Variants in POLR2B observed in about 807,000 individuals in gnomAD.
POLR2B encodes RNA polymerase II subunit B, also known as DNA-directed RNA polymerase II subunit RPB2.
A neutral mutation model predicts 144.6 loss-of-function variants in POLR2B; 57 were observed. That is an observed-to-expected ratio of 0.39 (90% CI 0.32 to 0.49). The LOEUF is 0.49. POLR2B is among the 20% of genes least tolerant of loss of function. The pLI, the probability that POLR2B is intolerant of heterozygous loss-of-function variation, is 0.83. For missense variants in POLR2B, 595 were observed against 1,467.4 expected, an observed-to-expected ratio of 0.41 and a Z score of 9.71; for synonymous variants, 442 against 469.8, an observed-to-expected ratio of 0.94 and a Z score of 0.77.
intron 1 of POLR2B, among the ~76,000 whole-genome samples, 166 bp downstream of exon 1, chr4:56,979,170 G>A (rs1395007914): frequency 1.3e-5 from 2 of 152,142 alleles, no homozygotes; most frequent in African/African-American, 4.8e-5. Flanking sequence ...AGGGAGAGGC[G>A]GAGGGTGCAG....
chr4:57,022,345 G>A lies in POLR2B; in HGVS notation c.2515+99G>A, dbSNP rs139710838. On this transcript the variant is annotated intron_variant, in intron 18 of 24. Transcript: ENST00000314595. ...GTTGTGTCACCCTGTGCCTGCCCCT[G>A]TCCTCCTCTCCCTTTTTTTGTGCAA... 3.2e-4 allele frequency: 213 copies of A among 672,988 alleles called. No individual in the cohort carries two copies. The African/African-American group carries it at 3.2e-3, about 10-fold the overall frequency. 41.7% of individuals were successfully genotyped at this position (672,988 alleles called of 1,614,324 possible).
intron 13 of POLR2B, among the ~76,000 whole-genome samples, chr4:57,014,394 A>G (rs1406425802): frequency 6.6e-6 from 1 of 151,630 alleles, no homozygotes; most frequent in African/African-American, 2.4e-5. Flanking sequence ...GGGTTTCACC[A>G]TGTTTGCCAG....
chr4:57,001,718 C>CAGACTGTAGATAATAGTA (rs1722860348), intron 7 of POLR2B, among the ~76,000 whole-genome samples: 1 of 152,106 alleles, frequency 6.6e-6, no homozygotes, highest in South Asian at 2.1e-4. Flanking sequence ...TAGGTACCTC[C>CAGACTGTAGATAATAGTA]ACTGTAAGGT....
chr4:57,006,797 A>C lies in POLR2B; in HGVS notation c.1218-19A>C. 6.3e-7 allele frequency: 1 copy of C among 1,576,600 alleles called. No individual in the cohort carries two copies. The highest frequency in any genetic ancestry group is 8.7e-7 in the Non-Finnish European group (1 of 1,148,516). ...TGTAGACCTCTACATGTTTAAAATA[A>C]TACCATTTTATTCGGCAGTATGTTT... On this transcript the variant is annotated intron_variant, in intron 9 of 24. Transcript: ENST00000314595.
intron 3 of POLR2B, among the ~76,000 whole-genome samples, chr4:56,992,349 C>A (rs1026313502): frequency 2.0e-5 from 3 of 149,464 alleles, no homozygotes; most frequent in Non-Finnish European, 4.4e-5. Flanking sequence ...CCTGTAGTCC[C>A]AGCTACTAGG....
At chr4:57,022,124 CTT>C in intron 17 of POLR2B, 26 bp from the exon 18 acceptor site, 1 of 1,349,598 alleles carries the variant, frequency 7.4e-7, no homozygotes, top group Admixed American at 1.9e-5. Flanking sequence ...AGAAAATAGA[CTT>C]TACCTTTAGA....
At chr4:57,003,860 GAAAA>G (rs1304544508) in intron 7 of POLR2B, among the ~76,000 whole-genome samples, 1 of 150,724 alleles carries the variant, frequency 6.6e-6, no homozygotes, top group Non-Finnish European at 1.5e-5. Flanking sequence ...AAAAAAAAAA[GAAAA>G]AGAAGAAGAA....
rs559896586 is a variant in POLR2B at position 56,979,044 on chromosome 4, T to C, written c.19+40T>C. Reference sequence around the variant, plus strand: ...AAAACACACGCCGTGGCGGTCCATTTAAGCAGGAAAGCGTTGGGAACTGAT... The same window carrying C: ...AAAACACACGCCGTGGCGGTCCATTCAAGCAGGAAAGCGTTGGGAACTGAT... On this transcript the variant is annotated intron_variant, in intron 1 of 24. Coordinates refer to ENST00000314595, the MANE Select transcript of POLR2B (RefSeq NM_000938.3). 1.9e-6 allele frequency: 3 copies of C among 1,606,840 alleles called. No homozygotes were observed. The South Asian group carries it at 3.3e-5, about 18-fold the overall frequency.
At chr4:57,021,485 C>CT (rs34804702) in intron 17 of POLR2B, among the ~76,000 whole-genome samples, 14,936 of 110,278 alleles carry the variant, frequency 0.14, 1,511 homozygotes, top group East Asian at 0.39. Flanking sequence ...AATGTAAAAA[C>CT]TTTTTTTTTT....
chr4:57,003,870 A>G (rs1722927976), intron 7 of POLR2B, among the ~76,000 whole-genome samples: 1 of 151,664 alleles, frequency 6.6e-6, no homozygotes. Context: ...GAAAAAGAAG[A>G]AGAAGAAATA....
chr4:57,022,624 A>G (rs1723590614), intron 18 of POLR2B, among the ~76,000 whole-genome samples: 1 of 152,216 alleles, frequency 6.6e-6, no homozygotes. Flanking sequence ...AACATTTAAA[A>G]AATAACCAGT....
At chr4:56,998,132 C>T (rs535722191) in intron 6 of POLR2B, among the ~76,000 whole-genome samples, 1 of 151,994 alleles carries the variant, frequency 6.6e-6, no homozygotes, top group African/African-American at 2.4e-5. Flanking sequence ...CGGTGAACTT[C>T]GAGTAACTGA....
chr4:57,023,952 G>T lies in POLR2B; in HGVS notation c.2857-53G>T. 9.8e-7 allele frequency: 1 copy of T among 1,021,372 alleles called. No individual in the cohort carries two copies. Among genetic ancestry groups the T allele is most frequent in the South Asian group, 1.5e-5 (1 of 65,748 alleles). The allele number at this position is 1,021,372 out of a possible 1,614,324, so 63.3% of individuals were successfully genotyped here. On this transcript the variant is annotated intron_variant, in intron 20 of 24. Transcript: ENST00000314595. The surrounding 1 kb of genome is among the most constrained non-coding windows in gnomAD (Gnocchi z 4.3). Reference sequence around the variant, plus strand: ...TTCAGTTGGGAGAACTGAAATGTCAGTTCTAGTTTAGTATATGTATCTTTG... The same window carrying T: ...TTCAGTTGGGAGAACTGAAATGTCATTTCTAGTTTAGTATATGTATCTTTG...
intron 7 of POLR2B, among the ~76,000 whole-genome samples, chr4:57,004,903 G>T (rs1270497239): frequency 6.6e-6 from 1 of 151,994 alleles, no homozygotes; most frequent in Non-Finnish European, 1.5e-5. Flanking sequence ...TAGACTAGTT[G>T]CAAACTCCTG....
chr4:56,996,242 G>GTA (rs1351659280), intron 6 of POLR2B, among the ~76,000 whole-genome samples: 1 of 96,110 alleles, frequency 1.0e-5, no homozygotes, highest in Non-Finnish European at 2.2e-5. Flanking sequence ...GTGTGTGTAT[G>GTA]TATATGTGTG....
Position 57,023,707 on chromosome 4 carries a change from C to T in POLR2B, c.2812C>T (p.Arg938Ter), listed in dbSNP as rs138731674. 4 of 1,612,684 alleles carry T rather than the reference C, an allele frequency of 2.5e-6. No homozygotes were observed. Among genetic ancestry groups the T allele is most frequent in the Admixed American group, 1.7e-5 (1 of 59,978 alleles). ...IPQIGDKFAS[R>*]HGQKGTCGIQ... ...ACAGATTGGAGACAAATTTGCTAGTCGACATGGTCAAAAGGGTACTTGTGG... is the reference window on the plus strand; with the variant it reads ...ACAGATTGGAGACAAATTTGCTAGTTGACATGGTCAAAAGGGTACTTGTGG... Residue 938 changes from arginine (R) to a stop codon, truncating the protein, a stop_gained, in exon 20 of 25, where the codon CGA becomes TGA. Coordinates refer to ENST00000314595, the MANE Select transcript of POLR2B (RefSeq NM_000938.3). LOFTEE classifies it high-confidence loss of function. The surrounding 1 kb of genome is among the most constrained non-coding windows in gnomAD (Gnocchi z 4.3).
chr4:57,011,242 T>G, intron 13 of POLR2B, 142 bp downstream of exon 13: 1 of 651,098 alleles, frequency 1.5e-6, no homozygotes, highest in Non-Finnish European at 2.7e-6. Context: ...TTATAAGTTA[T>G]TGCTAGGCCG....
intron 10 of POLR2B, among the ~76,000 whole-genome samples, chr4:57,007,371 T>G (rs1040460056): frequency 2.0e-5 from 3 of 151,866 alleles, no homozygotes; most frequent in Non-Finnish European, 4.4e-5. Context: ...GCTGAGATCA[T>G]GCCACTGCAC....
At chr4:57,020,454 A>G (rs1430141669) in intron 16 of POLR2B, among the ~76,000 whole-genome samples, 1 of 152,210 alleles carries the variant, frequency 6.6e-6, no homozygotes, top group African/African-American at 2.4e-5. Context: ...GGAATGGGGT[A>G]GTATCAGTTT....
Sources: gnomAD v4.1 joint callset for allele counts (sites outside exome capture counted in the v4.1 genomes callset) on GRCh38, gnomAD v4.1.1 for gene constraint, Gnocchi (gnomAD v3.1) non-coding constraint, MANE v1.5 for transcripts, NCBI Gene and HGNC (gene_info 2026-07-23, HGNC 2026-07-21) for gene names.